ATP2B4: variants seen among roughly 807,000 people sequenced by gnomAD.
ATP2B4 encodes plasma membrane calcium-transporting ATPase 4.
A neutral mutation model predicts 110.3 loss-of-function variants in ATP2B4; 39 were observed. The ratio of observed to expected loss-of-function variants is 0.35; its 90% CI spans 0.27 to 0.46. ATP2B4 has a LOEUF of 0.46. Among genes scored for constraint, ATP2B4 ranks in the 20% least tolerant of loss-of-function variants. The probability of loss-of-function intolerance (pLI) is 1.00; values close to 1 mark genes in which losing one functional copy is unlikely to be tolerated. For synonymous variants in ATP2B4, 538 were observed against 571.7 expected (o/e 0.94, Z 0.84); for missense variants, 1,135 against 1,530.9 (o/e 0.74, Z 4.32).
At chr1:203,700,962 C>G in intron 6 of ATP2B4, 39 bp downstream of exon 6, 3 of 1,595,968 alleles carry the variant, frequency 1.9e-6, no homozygotes, top group Non-Finnish European at 1.7e-6. Context: ...TTCCTCTCAT[C>G]CCCATGGACA....
chr1:203,683,666 C>CTTTTTTTTTTTTTTTTTTTTTT (rs11326748), intron 2 of ATP2B4, among the ~76,000 whole-genome samples: 22 of 77,684 alleles, frequency 2.8e-4, no homozygotes, highest in Admixed American at 5.9e-4. Flanking sequence ...TCTTTTGTTT[C>CTTTTTTTTTTTTTTTTTTTTTT]TTTTTTTTTT....
At position 203,682,945 on chromosome 1, in the gene ATP2B4, G is replaced by A. The variant is rs999939518; in HGVS notation, c.-261G>A. 4.4e-4 allele frequency: 170 copies of A among 387,762 alleles called. No individual in the cohort carries two copies. Among genetic ancestry groups the A allele is most frequent in the Middle Eastern group, 2.2e-3 (3 of 1,354 alleles). The allele number at this position is 387,762 out of a possible 1,614,324, so 24.0% of individuals were successfully genotyped here. A position where few individuals can be genotyped will look rare whatever the true frequency, so the allele number is the denominator to read the frequency against. ...TCACCACCTGGGGACACCAATCATC[G>A]TGACACGGAGTCCACCTTCCACTCA... On this transcript the variant is annotated 5_prime_UTR_variant, in exon 2 of 21. In the 5' UTR this introduces an upstream ATG that the reference lacks. Coordinates refer to ENST00000357681, the MANE Select transcript of ATP2B4 (RefSeq NM_001684.5).
chr1:203,639,378 G>A (rs890765570), intron 1 of ATP2B4, among the ~76,000 whole-genome samples: 4 of 152,186 alleles, frequency 2.6e-5, no homozygotes, highest in East Asian at 1.9e-4. Flanking sequence ...AGTGGTATCC[G>A]GGAGGCAAAG....
At chr1:203,664,058 T>C (rs1664430680) in intron 1 of ATP2B4, among the ~76,000 whole-genome samples, 1 of 152,270 alleles carries the variant, frequency 6.6e-6, no homozygotes, top group African/African-American at 2.4e-5. Context: ...TTGTCAGTCC[T>C]GTCTATCTTA....
At chr1:203,688,413 C>G (rs1665265658) in intron 2 of ATP2B4, among the ~76,000 whole-genome samples, 1 of 151,988 alleles carries the variant, frequency 6.6e-6, no homozygotes, top group South Asian at 2.1e-4. Context: ...GTCCTCCCAC[C>G]TTAGCCTCCT....
chr1:203,739,762 T>G lies in ATP2B4; in HGVS notation c.3526T>G (p.Tyr1176Asp), dbSNP rs754299191. The change falls in exon 21 of 21, where the codon TAT becomes GAT. Residue 1176 changes from tyrosine (Y) to aspartate (D), a missense_variant. This residue lies in a region of ATP2B4 where 92 missense variants were observed against 82.5 expected (regional missense o/e 1.11). Transcript: ENST00000357681. ...VLLLDGEVTPYANTNNNAVDC... is the reference protein window; with the variant it reads ...VLLLDGEVTPDANTNNNAVDC... ...CCTGTTGGATGGTGAGGTCACTCCA[T>G]ATGCCAATACAAACAACAATGCGGT... 2 of 1,614,194 alleles carry G rather than the reference T, an allele frequency of 1.2e-6. No homozygotes were observed. Among genetic ancestry groups the G allele is most frequent in the South Asian group, 2.2e-5 (2 of 91,076 alleles).
chr1:203,689,644 A>G (rs915764241), intron 2 of ATP2B4, among the ~76,000 whole-genome samples: 4 of 152,242 alleles, frequency 2.6e-5, no homozygotes, highest in African/African-American at 9.6e-5. Flanking sequence ...AGGGCCTCCA[A>G]TTCTTTTTCA....
intron 1 of ATP2B4, among the ~76,000 whole-genome samples, chr1:203,656,063 G>A (rs1221392057): frequency 5.9e-5 from 3 of 50,574 alleles, no homozygotes; most frequent in Non-Finnish European, 1.7e-4. Flanking sequence ...ACCACGCCCA[G>A]CTATTTTTTT....
chr1:203,707,712 T>A, intron 9 of ATP2B4, 150 bp from the exon 10 acceptor site: 1 of 1,115,852 alleles, frequency 9.0e-7, no homozygotes, highest in Non-Finnish European at 1.3e-6. Flanking sequence ...ATTACAGGCA[T>A]GAATCACTGC....
At position 203,666,943 on chromosome 1, in the gene ATP2B4, C is replaced by A. The variant is rs78766724; in HGVS notation, c.-464-15799C>A. Among the ~76,000 whole-genome samples, 3 of 152,148 alleles carry A rather than the reference C, an allele frequency of 2.0e-5. No homozygotes were observed. In the East Asian group the frequency reaches 5.8e-4, roughly 29 times the overall value. ...CTCACAATTGTGAGCTCTCTAGCAC[C>A]TTTTTGCTTTTGTTTTGTTTCGTTT... On this transcript the variant is annotated intron_variant, in intron 1 of 20. Coordinates refer to ENST00000357681, the MANE Select transcript of ATP2B4 (RefSeq NM_001684.5).
intron 1 of ATP2B4, among the ~76,000 whole-genome samples, chr1:203,645,469 T>G (rs553331230): frequency 6.6e-6 from 1 of 152,298 alleles, no homozygotes; most frequent in South Asian, 2.1e-4. Context: ...TGTGAGGGGT[T>G]TTTTTATTTT....
intron 20 of ATP2B4, among the ~76,000 whole-genome samples, chr1:203,738,933 T>C (rs1305586619): frequency 6.6e-6 from 1 of 152,220 alleles, no homozygotes; most frequent in African/African-American, 2.4e-5. Context: ...TTAGAGAGTT[T>C]TAAGTTCCTG....
Position 203,720,587 on chromosome 1 carries a change from C to A in ATP2B4, c.2445C>A (p.Asp815Glu). ...AGTDVAKEAS[D>E]IILTDDNFTS... Reference sequence around the variant, plus strand: ...CAGATGTAGCAAAGGAGGCTTCAGACATCATCCTAACAGATGACAACTTCA... The same window carrying A: ...CAGATGTAGCAAAGGAGGCTTCAGAAATCATCCTAACAGATGACAACTTCA... Residue 815 changes from aspartate (D) to glutamate (E), a missense_variant, in exon 16 of 21, where the codon GAC becomes GAA. By Grantham distance (45) the Asp-to-Glu change is conservative. Around this residue, in one of 9 missense-constraint regions of ATP2B4, gnomAD observed 70 missense variants for 142.4 expected, o/e 0.49. Transcript: ENST00000357681. 6.2e-7 allele frequency: 1 copy of A among 1,613,168 alleles called. No individual in the cohort carries two copies. The highest frequency in any genetic ancestry group is 8.5e-7 in the Non-Finnish European group (1 of 1,179,390).
In ATP2B4 at chr1:203,723,991, G is replaced by T; in HGVS notation, c.3132+3G>T. 6.2e-7 allele frequency: 1 copy of T among 1,606,676 alleles called. No individual in the cohort carries two copies. The highest frequency in any genetic ancestry group is 8.5e-7 in the Non-Finnish European group (1 of 1,176,058). ...TTGGAGAACTTCTGTGGGGCCAGGTGAGTACCGGCACACCCTCCTGGTGCA... is the reference window on the plus strand; with the variant it reads ...TTGGAGAACTTCTGTGGGGCCAGGTTAGTACCGGCACACCCTCCTGGTGCA... On this transcript the variant is annotated splice_donor_region_variant and intron_variant, in intron 19 of 20. Transcript: ENST00000357681.
intron 15 of ATP2B4, among the ~76,000 whole-genome samples, chr1:203,714,708 C>T (rs753435403): frequency 2.6e-5 from 4 of 151,790 alleles, no homozygotes; most frequent in African/African-American, 7.3e-5. Context: ...CACAGTTAGA[C>T]GTCTTAATTC....
intron 16 of ATP2B4, 83 bp downstream of exon 16, chr1:203,720,823 TGAAG>T: frequency 6.8e-7 from 1 of 1,461,668 alleles, no homozygotes; most frequent in Non-Finnish European, 9.2e-7. Flanking sequence ...GTGTGTTTAC[TGAAG>T]AGTAAAGACA....
intron 2 of ATP2B4, among the ~76,000 whole-genome samples, chr1:203,691,833 C>T (rs761969420): frequency 2.0e-5 from 3 of 152,166 alleles, no homozygotes; most frequent in Non-Finnish European, 4.4e-5. Context: ...TAAGTTACTC[C>T]TCCCCCTCAG....
intron 11 of ATP2B4, among the ~76,000 whole-genome samples, chr1:203,710,105 C>T (rs544125508): frequency 1.3e-5 from 2 of 152,238 alleles, no homozygotes; most frequent in South Asian, 2.1e-4. Flanking sequence ...CAGTGGCTCA[C>T]GCCTGTAATC....
chr1:203,683,666 C>CTTTTTTTTTTTTTTTTTTTTTTTTTTT (rs11326748), intron 2 of ATP2B4, among the ~76,000 whole-genome samples: 18 of 77,690 alleles, frequency 2.3e-4, no homozygotes, highest in East Asian at 4.7e-4. Context: ...TCTTTTGTTT[C>CTTTTTTTTTTTTTTTTTTTTTTTTTTT]TTTTTTTTTT....
Sources: allele counts gnomAD v4.1 joint callset (sites outside exome capture counted in the v4.1 genomes callset), GRCh38; gene constraint gnomAD v4.1.1; regional missense constraint gnomAD v4.1.1; transcripts MANE v1.5; gene names NCBI Gene and HGNC (gene_info 2026-07-23, HGNC 2026-07-21).